Variants in NF2 observed in about 807,000 individuals in gnomAD.
The protein encoded by NF2 is merlin.
A neutral mutation model predicts 83.7 loss-of-function variants in NF2; 8 were observed. That is an observed-to-expected ratio of 0.10 (90% CI 0.06 to 0.17). NF2 has a LOEUF of 0.17. Among genes scored for constraint, NF2 ranks in the 10% least tolerant of loss-of-function variants. NF2 has a pLI of 1.00. For synonymous variants in NF2, 266 were observed against 269.6 expected (o/e 0.99, Z 0.13); for missense variants, 533 against 744.4 (o/e 0.72, Z 3.31).
intron 15 of NF2, among the ~76,000 whole-genome samples, chr22:29,690,377 G>A (rs1370264720): frequency 6.6e-6 from 1 of 152,144 alleles, no homozygotes; most frequent in Non-Finnish European, 1.5e-5. Flanking sequence ...GCGTAAGGAG[G>A]CCCAGCTCTG....
chr22:29,677,581 G>T (rs929453495), intron 13 of NF2, among the ~76,000 whole-genome samples: 1 of 130,382 alleles, frequency 7.7e-6, no homozygotes. Context: ...TCGGTGGGCC[G>T]GTGGGGAGCC....
At chr22:29,637,142 C>T (rs556952932) in intron 2 of NF2, among the ~76,000 whole-genome samples, 198 of 152,346 alleles carry the variant, frequency 1.3e-3, no homozygotes, top group Non-Finnish European at 4.0e-4. Flanking sequence ...CTGATTGCTT[C>T]TGGCTTTATG....
At chr22:29,626,399 G>A (rs1207578589) in intron 1 of NF2, among the ~76,000 whole-genome samples, 1 of 151,950 alleles carries the variant, frequency 6.6e-6, no homozygotes, top group Non-Finnish European at 1.5e-5. Flanking sequence ...TGATCCACCC[G>A]CTTCGGTCTC....
Position 29,655,578 on chromosome 22 carries a change from C to T in NF2, c.517-16C>T, listed in dbSNP as rs765595293. On this transcript the variant is annotated splice_polypyrimidine_tract_variant and intron_variant, in intron 5 of 15. Transcript: ENST00000338641. ...CTTCATGTGTAGGTTTTTTATTTTG[C>T]TCTATTTTTTGGTAGGTAATAAATC... is the stretch of plus-strand genomic sequence containing the variant. 2.5e-6 allele frequency: 4 copies of T among 1,595,656 alleles called. No individual in the cohort carries two copies. Among genetic ancestry groups the T allele is most frequent in the African/African-American group, 2.7e-5 (2 of 74,544 alleles).
intron 12 of NF2, 45 bp from the exon 13 acceptor site, chr22:29,674,791 A>C (rs2147091161): frequency 6.6e-7 from 1 of 1,526,158 alleles, no homozygotes; most frequent in East Asian, 2.4e-5. Context: ...TTTTCCTGCT[A>C]CCTGCCCTCT....
At chr22:29,651,495 A>G (rs183734169) in intron 4 of NF2, among the ~76,000 whole-genome samples, 8 of 152,348 alleles carry the variant, frequency 5.3e-5, no homozygotes, top group Admixed American at 4.6e-4. Context: ...CCCTGGTTAC[A>G]TTATCAGAAT....
intron 15 of NF2, among the ~76,000 whole-genome samples, chr22:29,685,669 C>T (rs2067252918): frequency 6.6e-6 from 1 of 152,132 alleles, no homozygotes. Flanking sequence ...CCACAGCCTC[C>T]CAAAATGCTG....
intron 1 of NF2, among the ~76,000 whole-genome samples, chr22:29,633,499 C>G (rs867134152): frequency 2.4e-4 from 37 of 152,278 alleles, no homozygotes; most frequent in South Asian, 8.3e-4. Context: ...GGTTGGCCTA[C>G]TTTCTGGCCT....
At chr22:29,632,247 G>A (rs1463250237) in intron 1 of NF2, among the ~76,000 whole-genome samples, 2 of 152,114 alleles carry the variant, frequency 1.3e-5, no homozygotes, top group Non-Finnish European at 2.9e-5. Flanking sequence ...CCCATTTCCT[G>A]TAAGGACGAC....
intron 6 of NF2, 139 bp downstream of exon 6, chr22:29,655,815 G>A: frequency 1.4e-6 from 1 of 714,994 alleles, no homozygotes; most frequent in South Asian, 1.7e-5. Flanking sequence ...GGAGAGCTGG[G>A]GAGCTGGGAG....
At chr22:29,644,094 G>A (rs2065903916) in intron 4 of NF2, among the ~76,000 whole-genome samples, 2 of 151,988 alleles carry the variant, frequency 1.3e-5, no homozygotes, top group South Asian at 4.1e-4. Flanking sequence ...CGGGGTGGCT[G>A]CCGGGCGGAG....
At chr22:29,616,891 A>G (rs1343728280) in intron 1 of NF2, among the ~76,000 whole-genome samples, 1 of 152,042 alleles carries the variant, frequency 6.6e-6, no homozygotes, top group Admixed American at 6.6e-5. Flanking sequence ...GTGAGAGGGT[A>G]AGAGAGACTA....
intron 13 of NF2, among the ~76,000 whole-genome samples, chr22:29,677,852 G>A (rs544291640): frequency 6.6e-6 from 1 of 152,336 alleles, no homozygotes; most frequent in Non-Finnish European, 1.5e-5. Flanking sequence ...CAAAGCCAAG[G>A]ATGCTGTCTT....
At position 29,695,242 on chromosome 22, in the gene NF2, C is replaced by T. The variant is rs1315842476; in HGVS notation, c.*440C>T. The T allele has an allele frequency of 4.0e-5, 14 of 351,496 alleles. No individual in the cohort carries two copies. Among genetic ancestry groups the T allele is most frequent in the Non-Finnish European group, 7.0e-5 (13 of 186,702 alleles). 21.8% of individuals were successfully genotyped at this position (351,496 alleles called of 1,614,324 possible). On this transcript the variant is annotated 3_prime_UTR_variant, in exon 16 of 16. Coordinates refer to ENST00000338641, the MANE Select transcript of NF2 (RefSeq NM_000268.4). This position sits in a 1 kb window ranked among gnomAD's most constrained non-coding sequence, Gnocchi z 5.4. ...GGTTCCGGAACATTCATTCCCCCAC[C>T]GGTGAGGACCTGGCATGCAGCGAAG...
intron 10 of NF2, among the ~76,000 whole-genome samples, chr22:29,669,988 T>G (rs575886261): frequency 6.6e-6 from 1 of 152,186 alleles, no homozygotes; most frequent in South Asian, 2.1e-4. Context: ...GGCCAGGAAC[T>G]GAAGGAGATT....
chr22:29,608,348 G>A (rs1258308774), intron 1 of NF2, among the ~76,000 whole-genome samples: 3 of 147,932 alleles, frequency 2.0e-5, no homozygotes, highest in African/African-American at 7.4e-5. Flanking sequence ...GGGCAATCTC[G>A]GCTCACTGCA....
rs1220807117 is a variant in NF2, at chr22:29,674,866, C to G, written c.1371C>G (p.Asp457Glu). 6.4e-7 allele frequency: 1 copy of G among 1,567,012 alleles called. No individual in the cohort carries two copies. The highest frequency in any genetic ancestry group is 8.7e-7 in the Non-Finnish European group (1 of 1,154,944). The change falls in exon 13 of 16, where the codon GAC becomes GAG. Residue 457 changes from aspartate (D) to glutamate (E), a missense_variant. Coordinates refer to ENST00000338641, the MANE Select transcript of NF2 (RefSeq NM_000268.4). The part of the protein sequence containing the change: ...RAKEADQLKQ[D>E]LQEAREAERR... ...AAGAGGCAGATCAGCTGAAGCAGGA[C>G]CTGCAGGAAGCACGCGAGGCGGAGC...
chr22:29,608,284 T>A (rs903273971), intron 1 of NF2, among the ~76,000 whole-genome samples: 1 of 151,618 alleles, frequency 6.6e-6, no homozygotes, highest in Non-Finnish European at 1.5e-5. Context: ...TCGTTAATTT[T>A]TTTTTTCTTT....
chr22:29,670,273 C>G (rs764539033), intron 10 of NF2, among the ~76,000 whole-genome samples: 68 of 152,300 alleles, frequency 4.5e-4, no homozygotes, highest in Non-Finnish European at 8.2e-4. Context: ...GCTAGGGTTA[C>G]AGGCATGAGC....
Sources: allele counts gnomAD v4.1 joint callset (sites outside exome capture counted in the v4.1 genomes callset), GRCh38; gene constraint gnomAD v4.1.1; non-coding constraint Gnocchi (gnomAD v3.1); transcripts MANE v1.5; gene names NCBI Gene and HGNC (gene_info 2026-07-23, HGNC 2026-07-21).